The following CTNNA2 variants were observed in gnomAD, a reference collection of about 807,000 sequenced individuals.
CTNNA2 encodes the protein catenin alpha 2.
A neutral mutation model predicts 101.0 loss-of-function variants in CTNNA2; 42 were observed. The observed-to-expected ratio is 0.42, with a 90% confidence interval of 0.32 to 0.54. The LOEUF (loss-of-function observed/expected upper bound fraction) is 0.54, where lower values mean the gene tolerates loss of function less well. CTNNA2 is among the 20% of genes least tolerant of loss of function. The pLI is 0.14. For synonymous variants in CTNNA2, 450 were observed against 456.4 expected (o/e 0.99, Z 0.18); for missense variants, 871 against 1,223.1 (o/e 0.71, Z 4.29).
chr2:79,737,404 G>C (rs1670976824), intron 2 of CTNNA2, among the ~76,000 whole-genome samples: 2 of 150,760 alleles, frequency 1.3e-5, no homozygotes, highest in Admixed American at 6.6e-5. Context: ...GCTTCAGCTA[G>C]ACTCCTAGAT....
intron 6 of CTNNA2, among the ~76,000 whole-genome samples, chr2:79,906,947 T>C (rs1196278712): frequency 6.6e-6 from 1 of 152,218 alleles, no homozygotes; most frequent in African/African-American, 2.4e-5. Context: ...AAGCTCAGTG[T>C]TCCATGGAAA....
At chr2:80,151,364 G>A (rs76110468) in intron 7 of CTNNA2, among the ~76,000 whole-genome samples, 2,910 of 152,274 alleles carry the variant, frequency 0.019, 91 homozygotes, top group African/African-American at 0.067. Context: ...GTCTAGTGTG[G>A]AGTGTAGAGT....
At chr2:79,706,318 A>C (rs11126741) in intron 2 of CTNNA2, among the ~76,000 whole-genome samples, 2,050 of 146,800 alleles carry the variant, frequency 0.014, 89 homozygotes, top group Admixed American at 0.089. Flanking sequence ...AGCCGAGATC[A>C]CGCCACTGCA....
chr2:79,810,526 C>CTT (rs58252886), intron 3 of CTNNA2, among the ~76,000 whole-genome samples: 41 of 143,280 alleles, frequency 2.9e-4, no homozygotes, highest in East Asian at 1.8e-3. Flanking sequence ...CTTTTCTTTT[C>CTT]TTTTTTTTTT....
intron 7 of CTNNA2, among the ~76,000 whole-genome samples, chr2:80,314,280 A>C (rs1398454652): frequency 2.6e-5 from 4 of 152,244 alleles, no homozygotes; most frequent in Non-Finnish European, 4.4e-5. Context: ...GATTTTGATT[A>C]AAAGCATTCA....
intron 3 of CTNNA2, among the ~76,000 whole-genome samples, chr2:79,836,779 CT>C (rs2103816738): frequency 1.3e-5 from 2 of 152,010 alleles, no homozygotes; most frequent in South Asian, 4.2e-4. Flanking sequence ...CTTTTTCTTT[CT>C]TTATGTACTG....
chr2:79,797,383 G>T (rs1462584945), intron 3 of CTNNA2, among the ~76,000 whole-genome samples: 3 of 152,092 alleles, frequency 2.0e-5, no homozygotes, highest in Non-Finnish European at 2.9e-5. Context: ...TGGCTTGGCT[G>T]GGTGTGATGG....
At chr2:80,139,800 C>T (rs572078532) in intron 7 of CTNNA2, among the ~76,000 whole-genome samples, 3 of 152,150 alleles carry the variant, frequency 2.0e-5, no homozygotes, top group Non-Finnish European at 2.9e-5. Flanking sequence ...TCACATCAGA[C>T]CCATTTACAA....
chr2:80,026,330 A>T (rs921404113), intron 7 of CTNNA2, among the ~76,000 whole-genome samples: 2 of 152,236 alleles, frequency 1.3e-5, no homozygotes, highest in African/African-American at 4.8e-5. Context: ...ACAAGCATTC[A>T]TCGATCCAAG....
chr2:79,448,439 CTTTAA>C (rs1361558392), intron 4 of CTNNA2, among the ~76,000 whole-genome samples: 4 of 151,994 alleles, frequency 2.6e-5, no homozygotes, highest in Non-Finnish European at 5.9e-5. Context: ...GAATCAAAAA[CTTTAA>C]TTTGTGTTCA....
At chr2:79,707,877 A>G (rs7576479) in intron 2 of CTNNA2, among the ~76,000 whole-genome samples, 89,010 of 151,922 alleles carry the variant, frequency 0.59, 27,124 homozygotes, top group East Asian at 0.78. Flanking sequence ...ACATTGTTTC[A>G]ATGACACTGA....
chr2:80,606,578 A>C (rs1698049431), intron 16 of CTNNA2, among the ~76,000 whole-genome samples: 1 of 151,928 alleles, frequency 6.6e-6, no homozygotes, highest in South Asian at 2.1e-4. Flanking sequence ...AGAAATCTTC[A>C]GAAAAAAATG....
intron 6 of CTNNA2, among the ~76,000 whole-genome samples, chr2:79,874,688 A>G (rs1682870292): frequency 6.6e-6 from 1 of 152,118 alleles, no homozygotes; most frequent in Non-Finnish European, 1.5e-5. Context: ...CATGCCTGTA[A>G]TCCCAGCTAC....
rs192705673 is a variant in CTNNA2 at position 79,595,662 on chromosome 2, A to C, written c.-5-55890A>C. ...TGTATCTCACATCTGTTTCTTCCTT[A>C]GTCTTAACTCTCGCTACGCTACCTT... On this transcript the variant is annotated intron_variant, in intron 1 of 18. Transcript: ENST00000402739. Among the ~76,000 whole-genome samples the C allele has an allele frequency of 4.6e-5, 7 of 152,174 alleles. 1 individual carries two copies. The highest frequency in any genetic ancestry group is 1.7e-4 in the African/African-American group (7 of 41,538).
intron 3 of CTNNA2, among the ~76,000 whole-genome samples, chr2:79,835,666 G>GTTTTTTGTTTTTTGTT (rs1679276639): frequency 8.5e-5 from 5 of 58,618 alleles, no homozygotes; most frequent in African/African-American, 3.7e-4. Flanking sequence ...GCCTCTCTTT[G>GTTTTTTGTTTTTTGTT]TTTTTTTTTT....
chr2:79,435,436 G>C (rs936221731), intron 4 of CTNNA2, among the ~76,000 whole-genome samples: 8 of 152,126 alleles, frequency 5.3e-5, no homozygotes, highest in Non-Finnish European at 1.2e-4. Context: ...ATAAAATTTA[G>C]TGAATTCATC....
At position 80,302,793 on chromosome 2, in the gene CTNNA2, C is replaced by T; in HGVS notation, c.1057-90418C>T. Reference sequence around the variant, plus strand: ...TCGCCCTGTGCGTACTCCGGGCTGGCGCACTGCAAGTTGCCATCGTAGCGC... The same window carrying T: ...TCGCCCTGTGCGTACTCCGGGCTGGTGCACTGCAAGTTGCCATCGTAGCGC... On this transcript the variant is annotated intron_variant, in intron 7 of 18. Transcript: ENST00000402739. This position sits in a 1 kb window ranked among gnomAD's most constrained non-coding sequence, Gnocchi z 6.4. 4 of 1,613,446 alleles carry T rather than the reference C, an allele frequency of 2.5e-6. No homozygotes were observed. The highest frequency in any genetic ancestry group is 3.4e-6 in the Non-Finnish European group (4 of 1,179,842).
chr2:79,730,705 T>G (rs1687142597), intron 2 of CTNNA2, among the ~76,000 whole-genome samples: 1 of 152,014 alleles, frequency 6.6e-6, no homozygotes, highest in Admixed American at 6.6e-5. Flanking sequence ...GTTACCATGA[T>G]TTGATAAAGT....
At chr2:79,811,105 T>C (rs1280267090) in intron 3 of CTNNA2, among the ~76,000 whole-genome samples, 2 of 151,232 alleles carry the variant, frequency 1.3e-5, no homozygotes, top group African/African-American at 4.9e-5. Flanking sequence ...ATCGCCACAC[T>C]GACTTCCACA....
Sources: gnomAD v4.1 joint callset for allele counts (sites outside exome capture counted in the v4.1 genomes callset) on GRCh38, gnomAD v4.1.1 for gene constraint, Gnocchi (gnomAD v3.1) non-coding constraint, MANE v1.5 for transcripts, NCBI Gene and HGNC (gene_info 2026-07-23, HGNC 2026-07-21) for gene names.